PPM1B: variants seen among roughly 807,000 people sequenced by gnomAD.
PPM1B encodes the protein protein phosphatase, Mg2+/Mn2+ dependent 1B.
In PPM1B, 22 loss-of-function variants were observed where a neutral mutation model predicts 43.0. The observed-to-expected ratio is 0.51, with a 90% CI of 0.37 to 0.73. The LOEUF is 0.73. Ranked by LOEUF, PPM1B falls within the 30% of genes least tolerant of loss-of-function variation. The pLI is 0.00. For missense variants in PPM1B, 632 were observed against 584.2 expected, an observed-to-expected ratio of 1.08 and a Z score of -0.84; for synonymous variants, 217 against 197.9, an observed-to-expected ratio of 1.10 and a Z score of -0.81.
chr2:44,225,508 T>C (rs1363457612), intron 5 of PPM1B, among the ~76,000 whole-genome samples: 5 of 152,228 alleles, frequency 3.3e-5, no homozygotes, highest in African/African-American at 1.2e-4. Flanking sequence ...TCCAGAGTGA[T>C]GAGAAAATGT....
chr2:44,190,628 A>C (rs779774527), intron 1 of PPM1B, among the ~76,000 whole-genome samples: 3 of 152,190 alleles, frequency 2.0e-5, no homozygotes, highest in Non-Finnish European at 4.4e-5. Flanking sequence ...GTAGGCAGAT[A>C]CATTTAAATG....
intron 1 of PPM1B, among the ~76,000 whole-genome samples, 158 bp downstream of exon 1, chr2:44,169,432 G>C (rs1005529812): frequency 7.2e-5 from 11 of 152,254 alleles, no homozygotes; most frequent in African/African-American, 2.7e-4. Flanking sequence ...CGGAGCCTAG[G>C]CAGGGGAACG....
downstream of PPM1B, among the ~76,000 whole-genome samples, chr2:44,244,624 G>A (rs150111927): frequency 9.2e-5 from 14 of 152,046 alleles, no homozygotes; most frequent in East Asian, 1.7e-3. Flanking sequence ...ATTTCTAAAC[G>A]GTTAAGACCG....
chr2:44,170,512 T>C (rs549189846), intron 1 of PPM1B, among the ~76,000 whole-genome samples: 1 of 152,360 alleles, frequency 6.6e-6, no homozygotes, highest in African/African-American at 2.4e-5. Context: ...AGGAACTGTC[T>C]TTATTTGAGC....
rs548920126 is a variant in PPM1B, at chr2:44,229,233, A to G, written c.1135-1180A>G. Among the ~76,000 whole-genome samples the G allele has an allele frequency of 2.0e-5, 3 of 151,988 alleles. No homozygotes were observed. In the South Asian group the frequency reaches 6.2e-4, roughly 32 times the overall value. On this transcript the variant is annotated intron_variant, in intron 5 of 5. Transcript: ENST00000282412. ...TTTTCTGTATAACCATAATACCATT[A>G]TTATACCTAAGAAAATTCATTTTTT...
intron 1 of PPM1B, among the ~76,000 whole-genome samples, chr2:44,171,350 A>G (rs1005261018): frequency 3.9e-5 from 6 of 152,238 alleles, no homozygotes; most frequent in African/African-American, 9.6e-5. Flanking sequence ...CTGTGCTTCT[A>G]AGAACAGCTG....
intron 1 of PPM1B, among the ~76,000 whole-genome samples, chr2:44,197,354 A>T (rs542240629): frequency 1.7e-3 from 252 of 152,304 alleles, no homozygotes; most frequent in African/African-American, 5.8e-3. Context: ...CCTGGGCCCA[A>T]GTGATTCTCC....
chr2:44,170,547 A>T (rs1263960010), intron 1 of PPM1B, among the ~76,000 whole-genome samples: 3 of 152,228 alleles, frequency 2.0e-5, no homozygotes, highest in Non-Finnish European at 4.4e-5. Context: ...AGAAGTGGTA[A>T]ATTGTTCAGA....
At chr2:44,202,149 G>A (rs939804681) in intron 2 of PPM1B, 104 bp downstream of exon 2, 36 of 1,155,626 alleles carry the variant, frequency 3.1e-5, no homozygotes, top group Non-Finnish European at 4.1e-5. Context: ...TATTTTCACA[G>A]AAGCTGTATA....
At chr2:44,202,618 A>ACTTGC (rs1283650954) in intron 2 of PPM1B, among the ~76,000 whole-genome samples, 2 of 152,220 alleles carry the variant, frequency 1.3e-5, no homozygotes, top group East Asian at 1.9e-4. Flanking sequence ...GTAATACATG[A>ACTTGC]CTTGGATAGT....
intron 1 of PPM1B, among the ~76,000 whole-genome samples, chr2:44,184,241 TG>T (rs996483819): frequency 7.2e-5 from 11 of 152,300 alleles, no homozygotes; most frequent in Admixed American, 5.9e-4. Context: ...AGGTATCCAG[TG>T]GTTGTTCTTT....
chr2:44,199,318 T>TAA (rs1287209258), intron 1 of PPM1B, among the ~76,000 whole-genome samples: 5 of 69,124 alleles, frequency 7.2e-5, no homozygotes, highest in African/African-American at 3.1e-4. Flanking sequence ...AAAAAAAAAA[T>TAA]AAAAATAAAA....
At chr2:44,218,145 A>C in intron 4 of PPM1B, 67 bp downstream of exon 4, 1 of 1,206,176 alleles carries the variant, frequency 8.3e-7, no homozygotes, top group Admixed American at 1.8e-5. Context: ...TGGGGTAAAA[A>C]AACTTAAATC....
chr2:44,218,030 C>T lies in PPM1B; in HGVS notation c.1028C>T (p.Ser343Phe), dbSNP rs759936290. ...CTTGCCCATGTCATGCGCATCTTGT[C>T]TGCAGAAAATATCCCAAATTTGCCT... ...PDLAHVMRIL[S>F]AENIPNLPPG... The change falls in exon 4 of 6, where the codon TCT becomes TTT. Residue 343 changes from serine (S) to phenylalanine (F), a missense_variant. By Grantham distance (155) the Ser-to-Phe change is radical (BLOSUM62 -2). This residue lies in a region of PPM1B where 392 missense variants were observed against 302.7 expected (regional missense o/e 1.29). Transcript: ENST00000282412. 5.6e-6 allele frequency: 9 copies of T among 1,613,104 alleles called. No homozygotes were observed. Among genetic ancestry groups the T allele is most frequent in the Non-Finnish European group, 6.8e-6 (8 of 1,179,714 alleles).
intron 1 of PPM1B, among the ~76,000 whole-genome samples, chr2:44,183,369 C>A (rs538002614): frequency 4.6e-5 from 7 of 152,318 alleles, no homozygotes; most frequent in Admixed American, 1.3e-4. Context: ...CTTGAACATT[C>A]TTCCCGTGTG....
chr2:44,238,990 GGA>G (rs1347247611), downstream of PPM1B, among the ~76,000 whole-genome samples: 3 of 151,312 alleles, frequency 2.0e-5, no homozygotes, highest in East Asian at 1.9e-4. Context: ...GGAGGGAGAG[GGA>G]GAGAGAGAGG....
At chr2:44,180,662 G>C (rs191789688) in intron 1 of PPM1B, among the ~76,000 whole-genome samples, 1 of 152,052 alleles carries the variant, frequency 6.6e-6, no homozygotes, top group Admixed American at 6.6e-5. Context: ...CCAGGCTAGA[G>C]TGCAGGAGTG....
chr2:44,223,590 A>ACGAGGTCAGGAGATCAAGACCAT (rs1341179744), intron 5 of PPM1B, among the ~76,000 whole-genome samples: 2 of 151,958 alleles, frequency 1.3e-5, no homozygotes, highest in Non-Finnish European at 2.9e-5. Context: ...CAGGAGGATC[A>ACGAGGTCAGGAGATCAAGACCAT]CGAGGTCAGG....
chr2:44,186,815 T>G (rs1391500821), intron 1 of PPM1B, among the ~76,000 whole-genome samples: 1 of 152,262 alleles, frequency 6.6e-6, no homozygotes, highest in African/African-American at 2.4e-5. Flanking sequence ...ATTTGGATTC[T>G]TCTTTTTGTG....
Sources: gnomAD v4.1 joint callset for allele counts (sites outside exome capture counted in the v4.1 genomes callset) on GRCh38, gnomAD v4.1.1 for gene constraint, gnomAD v4.1.1 regional missense constraint, MANE v1.5 for transcripts, NCBI Gene and HGNC (gene_info 2026-07-23, HGNC 2026-07-21) for gene names.